Variants in MYO18A observed in about 807,000 individuals in gnomAD.
The protein encoded by MYO18A is myosin XVIIIA, also known as unconventional myosin-XVIIIa.
In MYO18A, 78 loss-of-function variants were observed where a neutral mutation model predicts 235.8. The ratio of observed to expected loss-of-function variants is 0.33; its 90% CI spans 0.28 to 0.40. The LOEUF is 0.40. Among genes scored for constraint, MYO18A ranks in the 10% least tolerant of loss-of-function variants. The pLI is 1.00. For synonymous variants in MYO18A, 977 were observed against 1,077.8 expected (o/e 0.91, Z 1.83); for missense variants, 2,215 against 2,699.3 (o/e 0.82, Z 3.98).
chr17:29,132,904 G>A (rs1209002993), intron 2 of MYO18A, among the ~76,000 whole-genome samples: 1 of 152,112 alleles, frequency 6.6e-6, no homozygotes, highest in East Asian at 1.9e-4. Context: ...CCCCCACCAA[G>A]CCATCACTCT....
chr17:29,121,527 T>G lies in MYO18A; in HGVS notation c.1371+20A>C. The G allele has an allele frequency of 6.3e-7, 1 of 1,582,852 alleles. No homozygotes were observed. The highest frequency in any genetic ancestry group is 2.3e-5 in the East Asian group (1 of 43,900). ...GGGGTGGGACCAGGAGTCTGCAGGG[T>G]AGCCTTGAGGGTGCTGCACCTTCTC... is the stretch of plus-strand genomic sequence containing the variant. On this transcript the variant is annotated intron_variant, in intron 5 of 41. Coordinates refer to ENST00000527372, the MANE Select transcript of MYO18A (RefSeq NM_078471.4). This position sits in a 1 kb window ranked among gnomAD's most constrained non-coding sequence, Gnocchi z 4.2.
At chr17:29,112,654 CT>C in intron 15 of MYO18A, among the ~76,000 whole-genome samples, 1 of 152,244 alleles carries the variant, frequency 6.6e-6, no homozygotes, top group Non-Finnish European at 1.5e-5. Context: ...CTGAAGGTGC[CT>C]TTTCTGTGGA....
In MYO18A at chr17:29,126,564, C is replaced by T. The variant is rs1275056468; in HGVS notation, c.1000-4311G>A. ...AATGCCCAGGAAGAATGGGGAGCAA[C>T]AAGGCTCCCCAGGTCCCAGGAGGTA... On this transcript the variant is annotated intron_variant, in intron 2 of 41. Coordinates refer to ENST00000527372, the MANE Select transcript of MYO18A (RefSeq NM_078471.4). This position sits in a 1 kb window ranked among gnomAD's most constrained non-coding sequence, Gnocchi z 4.1. 6.6e-6 allele frequency among the ~76,000 whole-genome samples: 1 copy of T among 152,054 alleles called. No homozygotes were observed. The highest frequency in any genetic ancestry group is 2.4e-5 in the African/African-American group (1 of 41,396).
At chr17:29,116,576 GCAAGAAAACA>G in intron 10 of MYO18A, 121 bp from the exon 11 acceptor site, 1 of 1,029,824 alleles carries the variant, frequency 9.7e-7, no homozygotes, top group Non-Finnish European at 1.5e-6. Flanking sequence ...GGATGAGTAG[GCAAGAAAACA>G]CAACCACAGT....
chr17:29,134,553 A>T (rs9303623), intron 2 of MYO18A, among the ~76,000 whole-genome samples: 3 of 151,540 alleles, frequency 2.0e-5, no homozygotes, highest in African/African-American at 7.3e-5. Flanking sequence ...TCGGAGTTTC[A>T]CTCTTGTTGC....
rs1410086770 is a variant in MYO18A, at chr17:29,120,776, A to G, written c.1586-18T>C. ...CTTCTCCACTGCAGAATACAGGCCCAAGGGGATATCAGGAAAGCCAGGGGC... is the reference window on the plus strand; with the variant it reads ...CTTCTCCACTGCAGAATACAGGCCCGAGGGGATATCAGGAAAGCCAGGGGC... On this transcript the variant is annotated intron_variant, in intron 6 of 41. Coordinates refer to ENST00000527372, the MANE Select transcript of MYO18A (RefSeq NM_078471.4). This position sits in a 1 kb window ranked among gnomAD's most constrained non-coding sequence, Gnocchi z 4.2. 2.5e-6 allele frequency: 4 copies of G among 1,607,532 alleles called. No homozygotes were observed. In the South Asian group the frequency reaches 4.4e-5, roughly 18 times the overall value.
chr17:29,166,156 C>T lies in MYO18A; in HGVS notation c.785G>A (p.Gly262Asp), dbSNP rs1028939448. ...RVVHFAEPGA[G>D]TKDLALGLVP... ...CAGCCCCAGGGCCAGGTCCTTGGTGCCTGCACCAGGCTCAGCAAAGTGGAC... is the reference window on the plus strand; with the variant it reads ...CAGCCCCAGGGCCAGGTCCTTGGTGTCTGCACCAGGCTCAGCAAAGTGGAC... Residue 262 changes from glycine to aspartate, a missense_variant, in exon 2 of 42, where the codon GGC becomes GAC. Coordinates refer to ENST00000527372, the MANE Select transcript of MYO18A (RefSeq NM_078471.4). The T allele has an allele frequency of 1.9e-6, 3 of 1,613,072 alleles. No individual in the cohort carries two copies. The highest frequency in any genetic ancestry group is 1.3e-5 in the African/African-American group (1 of 75,078).
intron 2 of MYO18A, among the ~76,000 whole-genome samples, chr17:29,127,477 C>T (rs1023210828): frequency 6.6e-6 from 1 of 152,204 alleles, no homozygotes; most frequent in African/African-American, 2.4e-5. Context: ...AATGCAAGCC[C>T]AGATCCCTGA....
chr17:29,097,323 C>T lies in MYO18A; in HGVS notation c.4130G>A (p.Arg1377Gln), dbSNP rs764696018. ...GGTGAAGTCCACCTCCCGCACAGCC[C>T]GCTCATACTTCAGCCGCCACTCGCC... ...AGGEWRLKYE[R>Q]AVREVDFTKK... The change falls in exon 27 of 42, where the codon CGG (arginine) becomes CAG (glutamine). Residue 1377 changes from arginine to glutamine, a missense_variant. Arg to Gln is a conservative substitution (Grantham distance 43, BLOSUM62 1). Coordinates refer to ENST00000527372, the MANE Select transcript of MYO18A (RefSeq NM_078471.4). 14 of 1,609,486 alleles carry T rather than the reference C, an allele frequency of 8.7e-6. No individual in the cohort carries two copies. The highest frequency in any genetic ancestry group is 7.7e-5 in the South Asian group (7 of 91,082).
At position 29,073,590 on chromosome 17, in the gene MYO18A, C is replaced by A; in HGVS notation, c.*1180G>T. On this transcript the variant is annotated 3_prime_UTR_variant, in exon 42 of 42. Transcript: ENST00000527372. Reference sequence around the variant, plus strand: ...GAGAGCACAGCCCAGTGAGTACAAACCAATTGCAGGAGAGAAGGGGGGCGG... The same window carrying A: ...GAGAGCACAGCCCAGTGAGTACAAAACAATTGCAGGAGAGAAGGGGGGCGG... The A allele has an allele frequency of 2.3e-6, 1 of 432,014 alleles. No individual in the cohort carries two copies. The highest frequency in any genetic ancestry group is 2.0e-5 in the African/African-American group (1 of 50,702). 26.8% of individuals were successfully genotyped at this position (432,014 alleles called of 1,614,324 possible).
chr17:29,080,551 C>G (rs945735298), intron 41 of MYO18A: 2 of 986,046 alleles, frequency 2.0e-6, no homozygotes. Context: ...CCTGGAGAGG[C>G]TGTCGAGCCG....
chr17:29,080,759 C>G (rs887524806), intron 41 of MYO18A: 3 of 985,436 alleles, frequency 3.0e-6, no homozygotes, highest in Non-Finnish European at 3.6e-6. Context: ...CCCGAGCGGA[C>G]GGAGCCGCAC....
At chr17:29,098,326 CCA>C in intron 24 of MYO18A, 28 bp downstream of exon 24, 1 of 1,613,290 alleles carries the variant, frequency 6.2e-7, no homozygotes. Context: ...GCAGCCATGC[CCA>C]GTCGGTGTGG....
chr17:29,158,820 C>T lies in MYO18A; in HGVS notation c.999+7122G>A, dbSNP rs2068113869. On this transcript the variant is annotated intron_variant, in intron 2 of 41. Coordinates refer to ENST00000527372, the MANE Select transcript of MYO18A (RefSeq NM_078471.4). The surrounding 1 kb of genome is among the most constrained non-coding windows in gnomAD (Gnocchi z 4.3). ...GTGTTCCCACCCGCCACACACTCCC[C>T]TTCACCCTACTCCCCACTCACCCCC... 6.6e-6 allele frequency among the ~76,000 whole-genome samples: 1 copy of T among 152,206 alleles called. No homozygotes were observed. Among genetic ancestry groups the T allele is most frequent in the Non-Finnish European group, 1.5e-5 (1 of 68,038 alleles).
intron 34 of MYO18A, chr17:29,091,138 C>G: frequency 1.8e-6 from 1 of 549,360 alleles, no homozygotes; most frequent in Non-Finnish European, 3.3e-6. Flanking sequence ...TACAGGCAGA[C>G]CCTGGGCCTC....
At chr17:29,092,098 G>A (rs1235886718) in intron 34 of MYO18A, among the ~76,000 whole-genome samples, 2 of 152,226 alleles carry the variant, frequency 1.3e-5, no homozygotes, top group African/African-American at 4.8e-5. Context: ...CCGTAGGCAG[G>A]TGGTTAAACA....
intron 37 of MYO18A, among the ~76,000 whole-genome samples, chr17:29,087,834 G>A (rs1215913375): frequency 3.3e-5 from 5 of 151,960 alleles, no homozygotes; most frequent in Admixed American, 1.3e-4. Flanking sequence ...CTCTCTGAGC[G>A]GAAGGGAACC....
Position 29,072,058 on chromosome 17 carries a change from G to GT in MYO18A, c.*2711dup, listed in dbSNP as rs2065889791. On this transcript the variant is annotated 3_prime_UTR_variant, in exon 42 of 42. Coordinates refer to ENST00000527372, the MANE Select transcript of MYO18A (RefSeq NM_078471.4). Reference sequence around the variant, plus strand: ...TCCAGTTAACCAGAGGCTTGACTCAGTATGAGTGAACAGATTTGGGAATTC... The same window carrying GT: ...TCCAGTTAACCAGAGGCTTGACTCAGTTATGAGTGAACAGATTTGGGAATTC... The GT allele has an allele frequency of 6.6e-6, 1 of 152,232 alleles. No homozygotes were observed. Among genetic ancestry groups the GT allele is most frequent in the African/African-American group, 2.4e-5 (1 of 41,452 alleles). The allele number at this position is 152,232 out of a possible 1,614,324, so 9.4% of individuals were successfully genotyped here. A position where few individuals can be genotyped will look rare whatever the true frequency, so the allele number is the denominator to read the frequency against.
chr17:29,169,474 A>T (rs1255103255), intron 1 of MYO18A, among the ~76,000 whole-genome samples: 1 of 152,136 alleles, frequency 6.6e-6, no homozygotes, highest in African/African-American at 2.4e-5. Context: ...TTTGGGGTGG[A>T]GGAGTACCTG....
Sources: allele counts gnomAD v4.1 joint callset (sites outside exome capture counted in the v4.1 genomes callset), GRCh38; gene constraint gnomAD v4.1.1; non-coding constraint Gnocchi (gnomAD v3.1); transcripts MANE v1.5; gene names NCBI Gene and HGNC (gene_info 2026-07-23, HGNC 2026-07-21).